LRMDA: variants seen among roughly 807,000 people sequenced by gnomAD.
LRMDA encodes the protein leucine rich melanocyte differentiation associated, also known as leucine-rich melanocyte differentiation-associated protein.
LRMDA carries 18 observed loss-of-function variants against 29.8 expected under a neutral mutation model. That is an observed-to-expected ratio of 0.60 (90% CI 0.42 to 0.90). The LOEUF is 0.90. Ranked by LOEUF, LRMDA falls within the 40% of genes least tolerant of loss-of-function variation. The pLI, the probability that LRMDA is intolerant of heterozygous loss-of-function variation, is 0.00. For synonymous variants in LRMDA, 125 were observed against 109.4 expected, an observed-to-expected ratio of 1.14 and a Z score of -0.89; for missense variants, 273 against 273.9, an observed-to-expected ratio of 1.00 and a Z score of 0.02.
chr10:76,289,024 A>T (rs908924222), intron 5 of LRMDA, among the ~76,000 whole-genome samples: 1 of 152,240 alleles, frequency 6.6e-6, no homozygotes, highest in Non-Finnish European at 1.5e-5. Context: ...TTATTCAATA[A>T]TTTAATGAAT....
At chr10:76,354,204 T>C (rs1437757619) in intron 6 of LRMDA, among the ~76,000 whole-genome samples, 2 of 152,100 alleles carry the variant, frequency 1.3e-5, no homozygotes, top group African/African-American at 4.8e-5. Flanking sequence ...TTGGGCTAGG[T>C]CTCTGGTGAC....
chr10:76,389,979 G>C (rs902975924), intron 6 of LRMDA, among the ~76,000 whole-genome samples: 6 of 152,026 alleles, frequency 3.9e-5, no homozygotes, highest in African/African-American at 1.4e-4. Flanking sequence ...TTGAGACCTT[G>C]TTTCCGATTC....
chr10:76,523,688 C>T (rs1843145710), intron 6 of LRMDA, among the ~76,000 whole-genome samples: 1 of 152,148 alleles, frequency 6.6e-6, no homozygotes, highest in Non-Finnish European at 1.5e-5. Context: ...TTATTTTAAT[C>T]CGGCTGAAAT....
Position 76,522,575 on chromosome 10 carries a change from T to G in LRMDA, c.602-34634T>G, listed in dbSNP as rs898595260. Among the ~76,000 whole-genome samples, 30 of 152,334 alleles carry G rather than the reference T, an allele frequency of 2.0e-4. No individual in the cohort carries two copies. The South Asian group carries it at 6.2e-3, about 32-fold the overall frequency. On this transcript the variant is annotated intron_variant, in intron 6 of 6. Transcript: ENST00000611255. ...TGGTTACTAGAAAAACAGATAAAGT[T>G]GATGGATCTTATACGTGGCAGTGGG...
chr10:75,762,465 C>A (rs184466251), intron 2 of LRMDA, among the ~76,000 whole-genome samples: 3 of 152,284 alleles, frequency 2.0e-5, no homozygotes, highest in Non-Finnish European at 4.4e-5. Flanking sequence ...AGATTGGGCA[C>A]CCTTGCTGTA....
At chr10:76,072,430 A>G (rs1848889939) in intron 5 of LRMDA, among the ~76,000 whole-genome samples, 1 of 152,226 alleles carries the variant, frequency 6.6e-6, no homozygotes, top group African/African-American at 2.4e-5. Context: ...TGCTTGGCAC[A>G]TAGTAGGTGC....
chr10:76,014,128 A>ATATATATATATATAAT (rs71024581), intron 2 of LRMDA, among the ~76,000 whole-genome samples: 6,787 of 94,492 alleles, frequency 0.072, 359 homozygotes, highest in East Asian at 0.27. Context: ...ATATATAATT[A>ATATATATATATATAAT]TATATATATA....
At chr10:75,876,938 T>C (rs1339951693) in intron 2 of LRMDA, among the ~76,000 whole-genome samples, 2 of 151,656 alleles carry the variant, frequency 1.3e-5, no homozygotes, top group East Asian at 3.9e-4. Context: ...TGGGGCGGAG[T>C]GTGAAAATTT....
rs1376661856 is a variant in LRMDA, at chr10:76,390,877, G to A, written c.601+66392G>A. 2.6e-5 allele frequency among the ~76,000 whole-genome samples: 4 copies of A among 152,280 alleles called. No individual in the cohort carries two copies. The South Asian group carries it at 6.2e-4, about 24-fold the overall frequency. ...GAAAAGATTTTTGGAAGGTATGAAG[G>A]GAGTTCACCAAAGGTGATAAGTTTT... is the stretch of plus-strand genomic sequence containing the variant. On this transcript the variant is annotated intron_variant, in intron 6 of 6. Coordinates refer to ENST00000611255, the MANE Select transcript of LRMDA (RefSeq NM_001305581.2).
intron 5 of LRMDA, among the ~76,000 whole-genome samples, chr10:76,282,491 G>T (rs1395255062): frequency 6.6e-6 from 1 of 152,156 alleles, no homozygotes; most frequent in Non-Finnish European, 1.5e-5. Flanking sequence ...TGCCAGAGAG[G>T]CGCTGGTGGA....
chr10:75,691,220 A>G (rs1470658104), intron 2 of LRMDA, among the ~76,000 whole-genome samples: 1 of 142,914 alleles, frequency 7.0e-6, no homozygotes, highest in Non-Finnish European at 1.5e-5. Flanking sequence ...ATATATATAT[A>G]CACATATATG....
chr10:75,520,867 G>T (rs4329619), intron 2 of LRMDA, among the ~76,000 whole-genome samples: 5,954 of 152,174 alleles, frequency 0.039, 379 homozygotes, highest in African/African-American at 0.14. Flanking sequence ...TGGGGTTTTG[G>T]TGTGGATGCC....
chr10:75,801,762 C>T (rs922256907), intron 2 of LRMDA, among the ~76,000 whole-genome samples: 2 of 152,112 alleles, frequency 1.3e-5, no homozygotes, highest in African/African-American at 2.4e-5. Flanking sequence ...AAGGAGCTGT[C>T]GAATGGCTTC....
chr10:76,290,107 A>G (rs2132346101), intron 5 of LRMDA, among the ~76,000 whole-genome samples: 1 of 152,344 alleles, frequency 6.6e-6, no homozygotes, highest in Middle Eastern at 3.4e-3. Flanking sequence ...ACTTTGGCAG[A>G]ATGAGTTACC....
At chr10:76,145,936 A>G (rs1318601875) in intron 5 of LRMDA, among the ~76,000 whole-genome samples, 1 of 150,736 alleles carries the variant, frequency 6.6e-6, no homozygotes, top group South Asian at 2.1e-4. Context: ...TTCTGCCTTC[A>G]TTTTGTTATG....
intron 2 of LRMDA, among the ~76,000 whole-genome samples, chr10:75,631,324 C>T (rs536232956): frequency 1.3e-5 from 2 of 152,156 alleles, no homozygotes; most frequent in Admixed American, 1.3e-4. Flanking sequence ...AGAACCCCAG[C>T]TTCTTTTGCA....
intron 2 of LRMDA, among the ~76,000 whole-genome samples, chr10:75,930,499 C>G (rs549202566): frequency 6.6e-6 from 1 of 152,170 alleles, no homozygotes; most frequent in South Asian, 2.1e-4. Context: ...TATAACTCAG[C>G]AAAGTTTTAT....
chr10:76,047,122 A>C, intron 3 of LRMDA, 42 bp from the exon 4 acceptor site: 1 of 1,611,746 alleles, frequency 6.2e-7, no homozygotes, highest in Non-Finnish European at 8.5e-7. Context: ...CTCATTGCTA[A>C]GCCTTTTGTC....
At chr10:75,681,665 C>T (rs962257441) in intron 2 of LRMDA, among the ~76,000 whole-genome samples, 7 of 152,178 alleles carry the variant, frequency 4.6e-5, no homozygotes, top group African/African-American at 1.7e-4. Context: ...GGCCTCTGCG[C>T]ACATTACACA....
Sources: allele counts gnomAD v4.1 joint callset (sites outside exome capture counted in the v4.1 genomes callset), GRCh38; gene constraint gnomAD v4.1.1; transcripts MANE v1.5; gene names NCBI Gene and HGNC (gene_info 2026-07-23, HGNC 2026-07-21).